CEP128: variants seen among roughly 807,000 people sequenced by gnomAD.
CEP128 encodes centrosomal protein 128kDa.
In CEP128, 132 loss-of-function variants were observed where a neutral mutation model predicts 156.7. That is an observed-to-expected ratio of 0.84 (90% CI 0.73 to 0.97). CEP128 has a LOEUF of 0.97. Ranked by LOEUF, CEP128 falls within the 50% of genes least tolerant of loss-of-function variation. The pLI, the probability that CEP128 is intolerant of heterozygous loss-of-function variation, is 0.00. For missense variants in CEP128, 1,252 were observed against 1,281.9 expected (o/e 0.98, Z 0.36); for synonymous variants, 469 against 448.9 (o/e 1.04, Z -0.57).
At position 80,653,898 on chromosome 14, in the gene CEP128, C is replaced by G. The variant is rs577194602; in HGVS notation, c.2807-73475G>C. Among the ~76,000 whole-genome samples the G allele has an allele frequency of 5.9e-5, 9 of 152,140 alleles. No homozygotes were observed. The East Asian group carries it at 1.2e-3, about 20-fold the overall frequency. ...GAATATAGTACTAAAAGATTATATC[C>G]TGGCATTAAGGAAACTATTGTTTCA... On this transcript the variant is annotated intron_variant, in intron 19 of 24. Coordinates refer to ENST00000555265, the MANE Select transcript of CEP128 (RefSeq NM_152446.5).
intron 13 of CEP128, among the ~76,000 whole-genome samples, chr14:80,804,071 T>C (rs1323549723): frequency 6.6e-6 from 1 of 151,964 alleles, no homozygotes; most frequent in Non-Finnish European, 1.5e-5. Context: ...CAAAATTATG[T>C]GGATGTTTAC....
chr14:80,510,892 A>G (rs1888214624), intron 23 of CEP128, among the ~76,000 whole-genome samples: 1 of 151,472 alleles, frequency 6.6e-6, no homozygotes, highest in South Asian at 2.1e-4. Flanking sequence ...CCTTCATTCT[A>G]TTGCTATGAT....
chr14:80,950,211 C>T (rs1886433671), intron 2 of CEP128, among the ~76,000 whole-genome samples: 1 of 152,102 alleles, frequency 6.6e-6, no homozygotes, highest in Admixed American at 6.6e-5. Flanking sequence ...AAGCTAGGAA[C>T]AGTCAAGGAA....
chr14:80,732,754 C>A (rs1027951707), intron 19 of CEP128, among the ~76,000 whole-genome samples: 1 of 152,006 alleles, frequency 6.6e-6, no homozygotes, highest in Non-Finnish European at 1.5e-5. Flanking sequence ...GAAACACCCA[C>A]AAGAGTGTTC....
chr14:80,758,772 T>C (rs1555399667), intron 17 of CEP128, among the ~76,000 whole-genome samples: 1 of 152,188 alleles, frequency 6.6e-6, no homozygotes, highest in Non-Finnish European at 1.5e-5. Context: ...TACTTGAGTA[T>C]CCACTAAGCG....
chr14:80,605,186 T>A (rs1002191083), intron 19 of CEP128, among the ~76,000 whole-genome samples: 3 of 152,100 alleles, frequency 2.0e-5, no homozygotes, highest in African/African-American at 7.2e-5. Flanking sequence ...AAGATCTCCG[T>A]AGCTCTGAAA....
intron 6 of CEP128, among the ~76,000 whole-genome samples, chr14:80,902,404 T>C (rs1005886139): frequency 6.6e-6 from 1 of 152,152 alleles, no homozygotes; most frequent in African/African-American, 2.4e-5. Flanking sequence ...AATAACATAG[T>C]CAAGGAAAAG....
At chr14:80,828,960 A>G (rs1344713559) in intron 13 of CEP128, among the ~76,000 whole-genome samples, 1 of 152,220 alleles carries the variant, frequency 6.6e-6, no homozygotes, top group Non-Finnish European at 1.5e-5. Context: ...CTAAAAATAA[A>G]GCAGAGACTA....
intron 19 of CEP128, among the ~76,000 whole-genome samples, chr14:80,625,846 CTT>C (rs1308116431): frequency 1.4e-5 from 2 of 140,578 alleles, no homozygotes; most frequent in African/African-American, 2.6e-5. Context: ...TCTTTTTTCT[CTT>C]TCTTTCCTTT....
chr14:80,685,454 G>C (rs1175911537), intron 19 of CEP128, among the ~76,000 whole-genome samples: 2 of 151,718 alleles, frequency 1.3e-5, no homozygotes, highest in African/African-American at 2.4e-5. Flanking sequence ...ATGACACAAA[G>C]GAATGGAAAA....
chr14:80,940,606 G>C (rs917204268), intron 1 of CEP128, among the ~76,000 whole-genome samples: 2 of 151,606 alleles, frequency 1.3e-5, no homozygotes, highest in Admixed American at 1.3e-4. Flanking sequence ...TTGAACCCAA[G>C]AGGTGGAGGT....
intron 9 of CEP128, among the ~76,000 whole-genome samples, chr14:80,856,718 TTC>T: frequency 8.0e-6 from 1 of 124,908 alleles, no homozygotes; most frequent in African/African-American, 4.2e-5. Context: ...TGTTTTTCTT[TTC>T]TTTTTTTTTT....
intron 8 of CEP128, among the ~76,000 whole-genome samples, chr14:80,890,047 T>G (rs1889016608): frequency 6.6e-6 from 1 of 152,192 alleles, no homozygotes; most frequent in East Asian, 1.9e-4. Context: ...TCACTGGTCA[T>G]TAGAGAATGC....
chr14:80,624,274 C>CT (rs1315347345), intron 19 of CEP128, among the ~76,000 whole-genome samples: 1 of 152,020 alleles, frequency 6.6e-6, no homozygotes, highest in Admixed American at 6.6e-5. Context: ...TTCATGGCTT[C>CT]TTTTTTATCC....
chr14:80,544,947 T>C (rs1457219907), intron 21 of CEP128, among the ~76,000 whole-genome samples: 1 of 152,192 alleles, frequency 6.6e-6, no homozygotes, highest in Non-Finnish European at 1.5e-5. Context: ...GGATAAAAGT[T>C]TTTTATTTGA....
At chr14:80,580,857 C>G (rs770042125) in intron 19 of CEP128, among the ~76,000 whole-genome samples, 1 of 152,138 alleles carries the variant, frequency 6.6e-6, no homozygotes, top group Non-Finnish European at 1.5e-5. Flanking sequence ...AAGCCAAGTT[C>G]CACCCCTACA....
intron 19 of CEP128, among the ~76,000 whole-genome samples, chr14:80,740,445 CACAT>C (rs1385902417): frequency 1.0e-5 from 1 of 100,070 alleles, no homozygotes; most frequent in Non-Finnish European, 2.2e-5. Context: ...AATGTATATA[CACAT>C]ACACACACAC....
At chr14:80,923,060 T>C (rs1206883424) in intron 2 of CEP128, among the ~76,000 whole-genome samples, 1 of 152,234 alleles carries the variant, frequency 6.6e-6, no homozygotes, top group Non-Finnish European at 1.5e-5. Flanking sequence ...ATGGGTGACC[T>C]TGAGAGAAAG....
intron 14 of CEP128, among the ~76,000 whole-genome samples, chr14:80,789,762 C>G (rs1471332231): frequency 1.3e-5 from 2 of 150,366 alleles, no homozygotes; most frequent in African/African-American, 4.9e-5. Flanking sequence ...ATTACAGAAA[C>G]AGAAGCCAAC....
Sources: allele counts gnomAD v4.1 joint callset (sites outside exome capture counted in the v4.1 genomes callset), GRCh38; gene constraint gnomAD v4.1.1; transcripts MANE v1.5; gene names NCBI Gene and HGNC (gene_info 2026-07-23, HGNC 2026-07-21).